Variants in BAZ2B observed in about 807,000 individuals in gnomAD.
BAZ2B encodes bromodomain adjacent to zinc finger domain 2B, also known as bromodomain adjacent to zinc finger domain protein 2B.
A neutral mutation model predicts 246.0 loss-of-function variants in BAZ2B; 91 were observed. That is an observed-to-expected ratio of 0.37 (90% CI 0.31 to 0.44). The LOEUF (loss-of-function observed/expected upper bound fraction) is 0.44, where lower values mean the gene tolerates loss of function less well. Ranked by LOEUF, BAZ2B falls within the 20% of genes least tolerant of loss-of-function variation. The pLI, the probability that BAZ2B is intolerant of heterozygous loss-of-function variation, is 1.00. For missense variants in BAZ2B, 2,332 were observed against 2,533.7 expected (o/e 0.92, Z 1.71); for synonymous variants, 855 against 860.0 (o/e 0.99, Z 0.10).
At chr2:159,679,391 C>G in the BAZ2B span, among the ~76,000 whole-genome samples, 2 of 149,340 alleles carry the variant, frequency 1.3e-5, no homozygotes, top group Non-Finnish European at 3.0e-5. Context: ...ATATTATATA[C>G]TATATGTGGT....
chr2:159,631,863 A>G, the BAZ2B span, among the ~76,000 whole-genome samples: 1 of 152,172 alleles, frequency 6.6e-6, no homozygotes, highest in Non-Finnish European at 1.5e-5. Flanking sequence ...GTACATGCAA[A>G]TATATGTGTC....
At chr2:159,529,813 C>T (rs985146217) in intron 2 of BAZ2B, among the ~76,000 whole-genome samples, 1 of 151,692 alleles carries the variant, frequency 6.6e-6, no homozygotes, top group Non-Finnish European at 1.5e-5. Context: ...ATTTAGTGAT[C>T]ATCATATAAC....
the BAZ2B span, among the ~76,000 whole-genome samples, chr2:159,673,945 G>A: frequency 1.3e-5 from 2 of 151,868 alleles, no homozygotes; most frequent in South Asian, 2.1e-4. Context: ...AGAGTAGAAG[G>A]GACAGAAGAA....
chr2:159,432,788 A>ATCATCTTCC lies in BAZ2B; in HGVS notation c.1860_1868dup (p.Glu620_Asp622dup). On this transcript the variant is annotated inframe_insertion, in exon 9 of 37. Transcript: ENST00000392783. ...GGCTGTCATCAGATTCATCATCTTC[A>ATCATCTTCC]TCATCTTCCTCATCTTCTTCTTCAT... 1 of 1,613,180 alleles carries ATCATCTTCC rather than the reference A, an allele frequency of 6.2e-7. No homozygotes were observed. Among genetic ancestry groups the ATCATCTTCC allele is most frequent in the Non-Finnish European group, 8.5e-7 (1 of 1,179,276 alleles).
At chr2:159,480,703 C>G (rs1023425096) in intron 2 of BAZ2B, among the ~76,000 whole-genome samples, 1 of 151,944 alleles carries the variant, frequency 6.6e-6, no homozygotes, top group African/African-American at 2.4e-5. Context: ...AGAACTAGAG[C>G]TAGTAGTATA....
chr2:159,357,868 C>T (rs1300519384), intron 27 of BAZ2B, among the ~76,000 whole-genome samples: 1 of 152,152 alleles, frequency 6.6e-6, no homozygotes, highest in Non-Finnish European at 1.5e-5. Context: ...CCAAACTCAG[C>T]TTCATAAGCG....
At chr2:159,494,339 A>C (rs772298764) in intron 2 of BAZ2B, among the ~76,000 whole-genome samples, 31 of 152,218 alleles carry the variant, frequency 2.0e-4, no homozygotes, top group Admixed American at 3.3e-4. Context: ...TTTCCCAGTA[A>C]TGTATGGTTT....
chr2:159,395,015 A>T (rs1288646162), intron 20 of BAZ2B, among the ~76,000 whole-genome samples: 3 of 152,190 alleles, frequency 2.0e-5, no homozygotes, highest in Non-Finnish European at 1.5e-5. Context: ...TAGATCAAAC[A>T]GTGTCATTTT....
intron 2 of BAZ2B, among the ~76,000 whole-genome samples, chr2:159,491,688 T>C (rs1160796560): frequency 9.6e-6 from 1 of 103,758 alleles, no homozygotes; most frequent in Non-Finnish European, 1.7e-5. Flanking sequence ...GCCACTGCAC[T>C]CCAGCCCGGG....
intron 3 of BAZ2B, among the ~76,000 whole-genome samples, chr2:159,468,393 C>T (rs962493975): frequency 6.6e-6 from 1 of 152,078 alleles, no homozygotes; most frequent in African/African-American, 2.4e-5. Flanking sequence ...AAATACTTTG[C>T]CAATCAAGAA....
intron 6 of BAZ2B, 70 bp downstream of exon 6, chr2:159,446,712 G>A (rs987892293): frequency 2.6e-5 from 36 of 1,376,072 alleles, no homozygotes; most frequent in Non-Finnish European, 3.3e-5. Context: ...AGATTCTGTT[G>A]ATTTGACCTT....
intron 20 of BAZ2B, among the ~76,000 whole-genome samples, chr2:159,390,700 T>C (rs2063227504): frequency 6.6e-6 from 1 of 152,062 alleles, no homozygotes; most frequent in Non-Finnish European, 1.5e-5. Flanking sequence ...TGCTAGCAGT[T>C]TCAAGACTGG....
the BAZ2B span, among the ~76,000 whole-genome samples, chr2:159,660,883 C>A: frequency 2.6e-5 from 4 of 152,136 alleles, no homozygotes; most frequent in Non-Finnish European, 4.4e-5. Flanking sequence ...CAGGCATGAG[C>A]CACTGAGCCT....
At chr2:159,389,311 A>T (rs541012580) in intron 21 of BAZ2B, 34 bp downstream of exon 21, 1 of 1,524,326 alleles carries the variant, frequency 6.6e-7, no homozygotes, top group South Asian at 1.3e-5. Flanking sequence ...AATTAAACTT[A>T]TGAATGAAAT....
chr2:159,332,917 C>G, intron 33 of BAZ2B: 1 of 482,646 alleles, frequency 2.1e-6, no homozygotes, highest in Non-Finnish European at 3.7e-6. Flanking sequence ...CTGCAAAGAA[C>G]AAAGCTAGAG....
the BAZ2B span, among the ~76,000 whole-genome samples, chr2:159,695,930 T>C: frequency 6.6e-6 from 1 of 151,676 alleles, no homozygotes; most frequent in South Asian, 2.1e-4. Flanking sequence ...CTGAGTCCTT[T>C]TGTTTGTTTT....
At chr2:159,645,950 G>A in the BAZ2B span, among the ~76,000 whole-genome samples, 4 of 152,112 alleles carry the variant, frequency 2.6e-5, no homozygotes, top group African/African-American at 7.2e-5. Context: ...CAGGACCAGG[G>A]TGAATTTAAA....
At chr2:159,534,997 T>C (rs926363781) in intron 2 of BAZ2B, among the ~76,000 whole-genome samples, 2 of 152,190 alleles carry the variant, frequency 1.3e-5, no homozygotes, top group African/African-American at 4.8e-5. Context: ...TCTAGAAACT[T>C]GTCTTATTTC....
At chr2:159,421,711 T>C (rs2068789104) in intron 13 of BAZ2B, among the ~76,000 whole-genome samples, 1 of 152,044 alleles carries the variant, frequency 6.6e-6, no homozygotes, top group African/African-American at 2.4e-5. Context: ...CAGAAATATC[T>C]TGAATCAAAA....
Sources: allele counts gnomAD v4.1 joint callset (sites outside exome capture counted in the v4.1 genomes callset), GRCh38; gene constraint gnomAD v4.1.1; transcripts MANE v1.5; gene names NCBI Gene and HGNC (gene_info 2026-07-23, HGNC 2026-07-21).